NAV3: variants seen among roughly 807,000 people sequenced by gnomAD.
NAV3 encodes neuron navigator 3, also known as pore membrane and/or filament interacting like protein 1.
Under a neutral mutation model 244.7 loss-of-function variants are expected in NAV3, and 87 were observed. The ratio of observed to expected loss-of-function variants is 0.36; its 90% confidence interval spans 0.30 to 0.42. NAV3 has a LOEUF of 0.42. Ranked by LOEUF, NAV3 falls within the 20% of genes least tolerant of loss-of-function variation. The pLI is 1.00. For missense variants in NAV3, 2,663 were observed against 2,893.3 expected (o/e 0.92, Z 1.83); for synonymous variants, 1,126 against 1,042.2 (o/e 1.08, Z -1.55).
At chr12:77,601,850 T>C (rs1319547441) in intron 2 of NAV3, among the ~76,000 whole-genome samples, 1 of 151,824 alleles carries the variant, frequency 6.6e-6, no homozygotes, top group Admixed American at 6.6e-5. Context: ...ACAAAAGAAA[T>C]GGATTTGAGA....
intron 2 of NAV3, among the ~76,000 whole-genome samples, chr12:77,673,447 A>G (rs1477134025): frequency 6.6e-6 from 1 of 152,126 alleles, no homozygotes; most frequent in African/African-American, 2.4e-5. Flanking sequence ...TTTTCTTTTA[A>G]TATTATATCT....
intron 1 of NAV3, among the ~76,000 whole-genome samples, chr12:77,924,742 TTGACATGTG>T: frequency 6.6e-6 from 1 of 152,270 alleles, no homozygotes; most frequent in East Asian, 1.9e-4. Flanking sequence ...GATCTAAATA[TTGACATGTG>T]CAATGGTTAT....
intron 7 of NAV3, among the ~76,000 whole-genome samples, chr12:78,003,093 C>T (rs1873586985): frequency 1.5e-5 from 2 of 135,914 alleles, no homozygotes; most frequent in African/African-American, 2.6e-5. Flanking sequence ...TTCTAGGATC[C>T]CTATAAAACT....
At chr12:78,160,940 A>T in intron 23 of NAV3, among the ~76,000 whole-genome samples, 1 of 139,108 alleles carries the variant, frequency 7.2e-6, no homozygotes, top group African/African-American at 2.7e-5. Flanking sequence ...CCTCCCTTAC[A>T]CCCTTTCTTC....
At chr12:77,813,110 A>G (rs1872373169) in intron 2 of NAV3, among the ~76,000 whole-genome samples, 1 of 152,204 alleles carries the variant, frequency 6.6e-6, no homozygotes, top group African/African-American at 2.4e-5. Flanking sequence ...GGTGTAAGCC[A>G]TCATGCCTGG....
chr12:77,672,730 T>C (rs1354400895), intron 2 of NAV3, among the ~76,000 whole-genome samples: 1 of 152,080 alleles, frequency 6.6e-6, no homozygotes, highest in Non-Finnish European at 1.5e-5. Context: ...TTGGGTATAG[T>C]GTACACTGTT....
chr12:77,835,188 T>C (rs1874415834), intron 1 of NAV3, among the ~76,000 whole-genome samples: 2 of 152,158 alleles, frequency 1.3e-5, no homozygotes, highest in Admixed American at 1.3e-4. Context: ...AGATACACCC[T>C]GTTTTATTAA....
At chr12:77,769,435 T>C (rs1257557419) in intron 2 of NAV3, among the ~76,000 whole-genome samples, 1 of 152,204 alleles carries the variant, frequency 6.6e-6, no homozygotes, top group Admixed American at 6.5e-5. Context: ...GATAGCACAA[T>C]AGTGACTGTA....
intron 12 of NAV3, among the ~76,000 whole-genome samples, chr12:78,084,819 T>A (rs1953545794): frequency 6.6e-6 from 1 of 152,158 alleles, no homozygotes; most frequent in Non-Finnish European, 1.5e-5. Context: ...ATTCATTGTT[T>A]AATTTTCGTG....
At chr12:77,932,789 T>C (rs1888934780) in intron 1 of NAV3, among the ~76,000 whole-genome samples, 1 of 152,186 alleles carries the variant, frequency 6.6e-6, no homozygotes, top group South Asian at 2.1e-4. Flanking sequence ...ATATTATTGC[T>C]TTTTGCCCAA....
chr12:77,884,561 G>T (rs1475122961), intron 1 of NAV3, among the ~76,000 whole-genome samples: 5 of 152,086 alleles, frequency 3.3e-5, no homozygotes, highest in African/African-American at 9.7e-5. Flanking sequence ...GCAGAAAAAG[G>T]GTGTCCCAGC....
Position 78,179,371 on chromosome 12 carries a change from G to A in NAV3, c.5364-158G>A, listed in dbSNP as rs192749262. 319 of 709,514 alleles carry A rather than the reference G, an allele frequency of 4.5e-4. 3 individuals are homozygous for A. In the South Asian group the frequency reaches 6.7e-3, roughly 15 times the overall value. The allele number at this position is 709,514 out of a possible 1,614,324, so 44.0% of individuals were successfully genotyped here. On this transcript the variant is annotated intron_variant, in intron 28 of 39. Transcript: ENST00000397909. ...GTTTTGAACCTGTGAATGCATAACC[G>A]TTTGTAAAACTCCTTCTCCTTTTCT... is the stretch of plus-strand genomic sequence containing the variant.
At chr12:77,877,325 GC>G (rs1474876078) in intron 1 of NAV3, among the ~76,000 whole-genome samples, 3 of 151,748 alleles carry the variant, frequency 2.0e-5, no homozygotes, top group Admixed American at 2.0e-4. Flanking sequence ...ATTTCAATGG[GC>G]TTTGCTTACC....
Position 77,791,091 on chromosome 12 carries a change from C to T in NAV3, c.73-149228C>T. Among the ~76,000 whole-genome samples the T allele has an allele frequency of 1.3e-5, 2 of 152,144 alleles. 1 individual carries two copies. Among genetic ancestry groups the T allele is most frequent in the Non-Finnish European group, 2.9e-5 (2 of 68,018 alleles). ...TTCCATTTGGCCGGGCGCGGTGGCT[C>T]ATGCCTGTAGTCCCAGCACTTTGGG... On this transcript the variant is annotated intron_variant, in intron 2 of 8. Coordinates refer to the NAV3 transcript ENST00000550042.
intron 23 of NAV3, among the ~76,000 whole-genome samples, 190 bp from the exon 24 acceptor site, chr12:78,168,565 C>CA (rs1299345719): frequency 1.3e-5 from 2 of 151,594 alleles, no homozygotes; most frequent in African/African-American, 4.8e-5. Flanking sequence ...AACAAACAAA[C>CA]AAAAAACCAC....
intron 8 of NAV3, among the ~76,000 whole-genome samples, chr12:78,015,512 G>A (rs1220715939): frequency 6.6e-6 from 1 of 151,644 alleles, no homozygotes. Flanking sequence ...TGTCAGGAAT[G>A]TCATCGAAAT....
At chr12:77,667,710 C>A (rs1565762420) in intron 2 of NAV3, among the ~76,000 whole-genome samples, 1 of 152,090 alleles carries the variant, frequency 6.6e-6, no homozygotes, top group East Asian at 1.9e-4. Flanking sequence ...CTCTTGGTAG[C>A]TCTATGGCCC....
At chr12:77,608,841 C>T (rs1237317421) in intron 2 of NAV3, among the ~76,000 whole-genome samples, 2 of 152,046 alleles carry the variant, frequency 1.3e-5, no homozygotes, top group Non-Finnish European at 2.9e-5. Flanking sequence ...GAGAGTCTGG[C>T]TTTCGTTTAG....
At chr12:77,746,603 G>A (rs1368472595) in intron 2 of NAV3, among the ~76,000 whole-genome samples, 2 of 152,096 alleles carry the variant, frequency 1.3e-5, no homozygotes, top group Non-Finnish European at 2.9e-5. Context: ...ATTCTATTTG[G>A]AGGAAGAGAT....
Sources: gnomAD v4.1 joint callset for allele counts (sites outside exome capture counted in the v4.1 genomes callset) on GRCh38, gnomAD v4.1.1 for gene constraint, MANE v1.5 for transcripts, NCBI Gene and HGNC (gene_info 2026-07-23, HGNC 2026-07-21) for gene names.